The following TMTC1 variants were observed in gnomAD, a reference collection of about 807,000 sequenced individuals.
The protein encoded by TMTC1 is transmembrane O-mannosyltransferase targeting cadherins 1.
Under a neutral mutation model 104.8 loss-of-function variants are expected in TMTC1, and 73 were observed. The observed-to-expected ratio is 0.70, with a 90% CI of 0.58 to 0.85. The LOEUF (loss-of-function observed/expected upper bound fraction) is 0.85. Ranked by LOEUF, TMTC1 falls within the 40% of genes least tolerant of loss-of-function variation. The probability of loss-of-function intolerance (pLI) is 0.00; values close to 1 mark genes in which losing one functional copy is unlikely to be tolerated. For synonymous variants in TMTC1, 434 were observed against 428.7 expected, an observed-to-expected ratio of 1.01 and a Z score of -0.15; for missense variants, 1,035 against 1,096.1, an observed-to-expected ratio of 0.94 and a Z score of 0.79.
chr12:29,688,693 A>AT (rs1941173014), intron 5 of TMTC1, among the ~76,000 whole-genome samples: 1 of 152,198 alleles, frequency 6.6e-6, no homozygotes, highest in South Asian at 2.1e-4. Context: ...TTTATTATTT[A>AT]TTCACAATAT....
At chr12:29,692,864 A>G (rs1941304037) in intron 5 of TMTC1, among the ~76,000 whole-genome samples, 1 of 145,068 alleles carries the variant, frequency 6.9e-6, no homozygotes, top group Non-Finnish European at 1.5e-5. Context: ...CCTTAAAAAC[A>G]TCATACTACA....
Position 29,506,582 on chromosome 12 carries a change from C to A in TMTC1, c.*264G>T. 1 of 409,354 alleles carries A rather than the reference C, an allele frequency of 2.4e-6. No individual in the cohort carries two copies. The highest frequency in any genetic ancestry group is 4.4e-6 in the Non-Finnish European group (1 of 224,852). 25.4% of individuals were successfully genotyped at this position (409,354 alleles called of 1,614,324 possible). A position where few individuals can be genotyped will look rare whatever the true frequency, so the allele number is the denominator to read the frequency against. ...TATCAAGAGAAATCTGGAGTTAAAC[C>A]AAACAAAAATCTGTAAAATGTGTAA... is the stretch of plus-strand genomic sequence containing the variant. On this transcript the variant is annotated 3_prime_UTR_variant, in exon 18 of 18. Transcript: ENST00000539277.
intron 5 of TMTC1, among the ~76,000 whole-genome samples, chr12:29,710,144 C>T (rs1213527587): frequency 1.3e-5 from 2 of 152,088 alleles, no homozygotes; most frequent in African/African-American, 2.4e-5. Context: ...GTTTGTTTCC[C>T]TCTTTTCTAC....
chr12:29,611,780 A>G (rs1192979942), intron 6 of TMTC1, among the ~76,000 whole-genome samples: 1 of 152,204 alleles, frequency 6.6e-6, no homozygotes, highest in Non-Finnish European at 1.5e-5. Flanking sequence ...ACAAATTATT[A>G]TATGTGTGTT....
intron 10 of TMTC1, among the ~76,000 whole-genome samples, chr12:29,546,426 A>G (rs299462): frequency 0.67 from 101,767 of 151,886 alleles, 35,458 homozygotes; most frequent in Middle Eastern, 0.83. Flanking sequence ...GGTTGGCAGA[A>G]TTGCTAAGGA....
At chr12:29,581,699 G>T (rs916030269) in intron 8 of TMTC1, among the ~76,000 whole-genome samples, 1 of 152,106 alleles carries the variant, frequency 6.6e-6, no homozygotes, top group African/African-American at 2.4e-5. Flanking sequence ...CTTTATTCAG[G>T]CAAAAGGTTT....
chr12:29,625,306 A>G (rs1937920885), intron 6 of TMTC1, among the ~76,000 whole-genome samples: 1 of 152,150 alleles, frequency 6.6e-6, no homozygotes, highest in African/African-American at 2.4e-5. Context: ...CACACACACA[A>G]AACAGGATTA....
At chr12:29,514,143 A>G (rs981908321) in intron 16 of TMTC1, among the ~76,000 whole-genome samples, 58 of 152,168 alleles carry the variant, frequency 3.8e-4, no homozygotes, top group Admixed American at 5.2e-4. Context: ...GGAATGTCCA[A>G]GGCTTTTCAG....
intron 11 of TMTC1, among the ~76,000 whole-genome samples, chr12:29,530,370 C>G (rs1443535486): frequency 6.6e-6 from 1 of 152,180 alleles, no homozygotes; most frequent in Non-Finnish European, 1.5e-5. Context: ...CATTCTGCAG[C>G]AGAGCTCCCT....
chr12:29,660,885 C>A, intron 5 of TMTC1: 2 of 1,488,084 alleles, frequency 1.3e-6, no homozygotes, highest in Non-Finnish European at 1.8e-6. Flanking sequence ...CTCTCAGATA[C>A]CTAAAACGGG....
At chr12:29,633,570 A>G (rs1431692503) in intron 5 of TMTC1, among the ~76,000 whole-genome samples, 1 of 152,198 alleles carries the variant, frequency 6.6e-6, no homozygotes, top group African/African-American at 2.4e-5. Flanking sequence ...TGGTGAACAA[A>G]TACAGATACA....
intron 5 of TMTC1, among the ~76,000 whole-genome samples, chr12:29,696,058 G>C (rs1941415196): frequency 6.6e-6 from 1 of 152,020 alleles, no homozygotes; most frequent in African/African-American, 2.4e-5. Context: ...TTTTTCCAAA[G>C]GAGATATATT....
intron 5 of TMTC1, among the ~76,000 whole-genome samples, chr12:29,686,299 A>G (rs2136736327): frequency 6.6e-6 from 1 of 152,234 alleles, no homozygotes; most frequent in South Asian, 2.1e-4. Context: ...TCACTAACAT[A>G]TTTTATTATC....
chr12:29,756,239 C>T (rs959584220), intron 3 of TMTC1, among the ~76,000 whole-genome samples: 1 of 152,130 alleles, frequency 6.6e-6, no homozygotes, highest in Admixed American at 6.5e-5. Context: ...CCCTGGGTTC[C>T]CTGCTAACCA....
intron 6 of TMTC1, among the ~76,000 whole-genome samples, chr12:29,627,128 A>G (rs1449597129): frequency 6.6e-6 from 1 of 152,100 alleles, no homozygotes; most frequent in Admixed American, 6.6e-5. Flanking sequence ...AAAAAATAAA[A>G]ACTTTTGTGC....
intron 10 of TMTC1, among the ~76,000 whole-genome samples, chr12:29,552,378 C>A (rs180853448): frequency 1.2e-4 from 18 of 152,150 alleles, no homozygotes; most frequent in Admixed American, 9.8e-4. Context: ...AATTTGAATA[C>A]ATTAGGGTTA....
intron 2 of TMTC1, among the ~76,000 whole-genome samples, chr12:29,766,414 A>T (rs1381317201): frequency 6.6e-6 from 1 of 152,208 alleles, no homozygotes; most frequent in African/African-American, 2.4e-5. Flanking sequence ...TTAGAACAGC[A>T]ACACAGGCCA....
rs779641080 is a variant in TMTC1 at position 29,755,858 on chromosome 12, T to TC, written c.581dup (p.Ser195LysfsTer39). ...AGGGAGACACCGTGGAAGGGAAACT[T>TC]CCCCCAACACAGCCCTGATCCAGAC... is the stretch of plus-strand genomic sequence containing the variant. On this transcript the variant is annotated frameshift_variant, in exon 4 of 18. Coordinates refer to ENST00000539277, the MANE Select transcript of TMTC1 (RefSeq NM_001193451.2). LOFTEE classifies it high-confidence loss of function. 1 of 1,613,912 alleles carries TC rather than the reference T, an allele frequency of 6.2e-7. No homozygotes were observed. Among genetic ancestry groups the TC allele is most frequent in the African/African-American group, 1.3e-5 (1 of 74,876 alleles).
chr12:29,566,819 C>T (rs2136286572), intron 9 of TMTC1, among the ~76,000 whole-genome samples: 1 of 152,302 alleles, frequency 6.6e-6, no homozygotes, highest in South Asian at 2.1e-4. Context: ...TCATTTTTAA[C>T]AGAAAATCTC....
Sources: allele counts gnomAD v4.1 joint callset (sites outside exome capture counted in the v4.1 genomes callset), GRCh38; gene constraint gnomAD v4.1.1; transcripts MANE v1.5; gene names NCBI Gene and HGNC (gene_info 2026-07-23, HGNC 2026-07-21).